Variants in ACYP2 observed in about 807,000 individuals in gnomAD.
ACYP2 encodes acylphosphatase 2, also known as acylphosphatase-2.
Under a neutral mutation model 11.2 loss-of-function variants are expected in ACYP2, and 12 were observed. That is an observed-to-expected ratio of 1.08 (90% CI 0.69 to 1.74). The LOEUF is 1.74. Among genes scored for constraint, ACYP2 ranks in the 40% most tolerant of loss-of-function variants. The probability of loss-of-function intolerance (pLI) is 0.00; values close to 1 mark genes in which losing one functional copy is unlikely to be tolerated. For missense variants in ACYP2, 134 were observed against 101.9 expected, an observed-to-expected ratio of 1.31 and a Z score of -1.35; for synonymous variants, 43 against 32.2, an observed-to-expected ratio of 1.33 and a Z score of -1.13.
intron 6 of ACYP2, chr2:54,166,916 A>C (rs1425350312): frequency 6.6e-6 from 1 of 152,106 alleles, no homozygotes; most frequent in African/African-American, 2.4e-5. Context: ...GGACTCTTAA[A>C]ATTTATTTTA....
intron 2 of ACYP2, among the ~76,000 whole-genome samples, chr2:53,985,070 C>CTTT (rs1178409999): frequency 7.4e-5 from 10 of 134,970 alleles, no homozygotes; most frequent in African/African-American, 1.9e-4. Flanking sequence ...TTTTTTCTTT[C>CTTT]TTTTTTTTTT....
chr2:54,252,640 T>C (rs78854737), intron 6 of ACYP2, among the ~76,000 whole-genome samples: 3,309 of 152,290 alleles, frequency 0.022, 116 homozygotes, highest in African/African-American at 0.073. Flanking sequence ...ATAATGGAAT[T>C]ATACCATTGG....
At chr2:54,139,279 C>T (rs950737393) in intron 6 of ACYP2, among the ~76,000 whole-genome samples, 2 of 152,120 alleles carry the variant, frequency 1.3e-5, no homozygotes, top group South Asian at 2.1e-4. Flanking sequence ...CTTAGGGTAG[C>T]GTTCCAGGCA....
chr2:53,983,883 T>G (rs1406097957), intron 2 of ACYP2, among the ~76,000 whole-genome samples: 1 of 152,134 alleles, frequency 6.6e-6, no homozygotes, highest in East Asian at 1.9e-4. Flanking sequence ...GAGTACAATG[T>G]GATAGGAACA....
intron 6 of ACYP2, chr2:54,256,191 C>A: frequency 1.3e-6 from 2 of 1,567,282 alleles, no homozygotes; most frequent in Admixed American, 1.9e-5. Flanking sequence ...GAGGCCAGGC[C>A]AGAGGTAGGT....
Position 53,992,980 on chromosome 2 carries a change from C to T in ACYP2, c.62+19170C>T, listed in dbSNP as rs370042192. 1.1e-3 allele frequency among the ~76,000 whole-genome samples: 166 copies of T among 152,110 alleles called. 1 individual carries two copies. Among genetic ancestry groups the T allele is most frequent in the African/African-American group, 3.6e-3 (151 of 41,478 alleles). ...CAGCACTTTGGGAGGTCAAGGCAGA[C>T]GGATCACTTGAATCCAGGAGTTCGA... is the stretch of plus-strand genomic sequence containing the variant. On this transcript the variant is annotated intron_variant, in intron 2 of 6. Transcript: ENST00000607452.
intron 4 of ACYP2, among the ~76,000 whole-genome samples, chr2:54,081,264 A>G (rs529271725): frequency 1.3e-5 from 2 of 152,284 alleles, no homozygotes; most frequent in South Asian, 4.1e-4. Flanking sequence ...CCCCATCGAA[A>G]AAGATAAAAA....
chr2:54,062,289 A>G (rs965940493), intron 4 of ACYP2, among the ~76,000 whole-genome samples: 18 of 152,084 alleles, frequency 1.2e-4, no homozygotes, highest in African/African-American at 2.2e-4. Flanking sequence ...AACATCTCCT[A>G]TTTGCCCTCA....
chr2:54,189,842 T>C (rs1351232024), intron 6 of ACYP2, among the ~76,000 whole-genome samples: 1 of 152,218 alleles, frequency 6.6e-6, no homozygotes, highest in African/African-American at 2.4e-5. Flanking sequence ...ACAAGGGTTC[T>C]CTTTTCTCCA....
intron 4 of ACYP2, among the ~76,000 whole-genome samples, chr2:54,092,909 G>A (rs1305907481): frequency 2.6e-5 from 4 of 152,214 alleles, no homozygotes; most frequent in Admixed American, 6.5e-5. Flanking sequence ...CTCAGCCAAA[G>A]AGAGTTGGCT....
At chr2:54,195,853 A>C (rs2103896361) in intron 6 of ACYP2, among the ~76,000 whole-genome samples, 1 of 128,038 alleles carries the variant, frequency 7.8e-6, no homozygotes, top group South Asian at 2.7e-4. Flanking sequence ...GCTAGAGTGC[A>C]ATGGCGCGAT....
intron 2 of ACYP2, among the ~76,000 whole-genome samples, chr2:54,031,323 T>G (rs1674575316): frequency 7.5e-6 from 1 of 132,524 alleles, no homozygotes; most frequent in South Asian, 2.4e-4. Context: ...CCCCACCCTG[T>G]GTGCAAGTGT....
chr2:54,217,573 G>T (rs192832563), intron 6 of ACYP2, among the ~76,000 whole-genome samples: 1 of 151,728 alleles, frequency 6.6e-6, no homozygotes, highest in African/African-American at 2.4e-5. Context: ...GGGTTTCACC[G>T]TGTTGCCCAG....
chr2:54,126,968 A>AAG (rs1168438765), intron 4 of ACYP2, among the ~76,000 whole-genome samples: 11 of 151,926 alleles, frequency 7.2e-5, no homozygotes, highest in Non-Finnish European at 1.3e-4. Context: ...AAAAAAAAAA[A>AAG]AATTGACATG....
chr2:54,298,517 A>C (rs984104757), intron 6 of ACYP2, among the ~76,000 whole-genome samples: 1 of 152,230 alleles, frequency 6.6e-6, no homozygotes, highest in African/African-American at 2.4e-5. Context: ...AAAACCTTGG[A>C]AACTAGAAAG....
At chr2:54,274,594 T>G (rs1209421356) in intron 6 of ACYP2, among the ~76,000 whole-genome samples, 1 of 114,656 alleles carries the variant, frequency 8.7e-6, no homozygotes, top group South Asian at 2.9e-4. Context: ...ACCACTGCCC[T>G]CAGGCTGGGT....
At chr2:54,170,470 A>G (rs1233518449) in intron 6 of ACYP2, among the ~76,000 whole-genome samples, 1 of 152,092 alleles carries the variant, frequency 6.6e-6, no homozygotes, top group Non-Finnish European at 1.5e-5. Flanking sequence ...TTCTTCTTTT[A>G]GCGTTTTGTG....
At chr2:54,135,506 T>A (rs755459016) in intron 5 of ACYP2, 37 bp downstream of exon 2, 1 of 1,588,158 alleles carries the variant, frequency 6.3e-7, no homozygotes, top group Non-Finnish European at 8.6e-7. Context: ...TGCTATTTTT[T>A]TTCCACTGTT....
chr2:54,264,142 G>T (rs1231546321), intron 6 of ACYP2, among the ~76,000 whole-genome samples: 1 of 152,154 alleles, frequency 6.6e-6, no homozygotes, highest in Non-Finnish European at 1.5e-5. Flanking sequence ...GTTCAGAAGG[G>T]TCCGGAGTTT....
Sources: allele counts gnomAD v4.1 joint callset (sites outside exome capture counted in the v4.1 genomes callset), GRCh38; gene constraint gnomAD v4.1.1; transcripts MANE v1.5; gene names NCBI Gene and HGNC (gene_info 2026-07-23, HGNC 2026-07-21).